CLMP: variants seen among roughly 807,000 people sequenced by gnomAD.
CLMP encodes CXADR like cell adhesion molecule, also known as CXADR-like membrane protein.
In CLMP, 27 loss-of-function variants were observed where a neutral mutation model predicts 45.2. The observed-to-expected ratio is 0.60, with a 90% CI of 0.44 to 0.82. The LOEUF is 0.82. Among genes scored for constraint, CLMP ranks in the 40% least tolerant of loss-of-function variants. The pLI is 0.00. For missense variants in CLMP, 403 were observed against 448.4 expected, an observed-to-expected ratio of 0.90 and a Z score of 0.91; for synonymous variants, 167 against 171.4, an observed-to-expected ratio of 0.97 and a Z score of 0.20.
intron 1 of CLMP, among the ~76,000 whole-genome samples, chr11:123,190,301 A>T (rs148266683): frequency 6.6e-6 from 1 of 152,166 alleles, no homozygotes; most frequent in African/African-American, 2.4e-5. Context: ...GTTTATCATC[A>T]TGTGCTACCA....
At chr11:123,149,790 C>CTTCCTTT (rs1565397092) in intron 1 of CLMP, among the ~76,000 whole-genome samples, 33 of 149,880 alleles carry the variant, frequency 2.2e-4, no homozygotes, top group Middle Eastern at 3.4e-3. Flanking sequence ...TTTCTTTCTT[C>CTTCCTTT]CTTTCTTTCT....
At chr11:123,130,822 G>C (rs1035092124) in intron 1 of CLMP, among the ~76,000 whole-genome samples, 1 of 151,162 alleles carries the variant, frequency 6.6e-6, no homozygotes, top group African/African-American at 2.4e-5. Context: ...TCCCCAAATG[G>C]AATCGTTTTT....
chr11:123,174,727 T>A (rs1239880203), intron 1 of CLMP, among the ~76,000 whole-genome samples: 1 of 152,202 alleles, frequency 6.6e-6, no homozygotes, highest in Non-Finnish European at 1.5e-5. Context: ...TAAGGCCCCA[T>A]GAATTTTCTT....
intron 1 of CLMP, among the ~76,000 whole-genome samples, chr11:123,179,483 T>C (rs529612110): frequency 6.6e-6 from 1 of 152,286 alleles, no homozygotes; most frequent in African/African-American, 2.4e-5. Context: ...AATACTGTAA[T>C]GGCAAACCCT....
intron 1 of CLMP, among the ~76,000 whole-genome samples, chr11:123,109,495 C>T (rs78817148): frequency 1.4e-4 from 21 of 152,172 alleles, no homozygotes; most frequent in Middle Eastern, 3.4e-3. Context: ...TTCCCCACAC[C>T]GAAGATGATT....
intron 5 of CLMP, among the ~76,000 whole-genome samples, chr11:123,079,161 C>T (rs1175193660): frequency 6.6e-6 from 1 of 152,162 alleles, no homozygotes; most frequent in Non-Finnish European, 1.5e-5. Context: ...TATCCTTCTT[C>T]TTTGTATAAG....
rs1166159977 is a variant in CLMP at position 123,150,416 on chromosome 11, TAAGAAAGAAAGAAAGAAAGA to T, written c.28+44477_28+44496del. 4.7e-3 allele frequency among the ~76,000 whole-genome samples: 146 copies of T among 30,930 alleles called. 2 individuals carry two copies. The highest frequency in any genetic ancestry group is 6.6e-3 in the Non-Finnish European group (112 of 16,956). 20.3% of individuals were successfully genotyped at this position (30,930 alleles called of 152,430 possible). A position where few individuals can be genotyped will look rare whatever the true frequency, so the allele number is the denominator to read the frequency against. ...AGATGAACAAAAGAAGGAAGGAAGG[TAAGAAAGAAAGAAAGAAAGA>T]AAGAAAGAAAGAAAGAAAGAAAGAA... On this transcript the variant is annotated intron_variant, in intron 1 of 6. Coordinates refer to ENST00000448775, the MANE Select transcript of CLMP (RefSeq NM_024769.5).
At chr11:123,133,825 TG>T (rs1861026624) in intron 1 of CLMP, among the ~76,000 whole-genome samples, 1 of 152,138 alleles carries the variant, frequency 6.6e-6, no homozygotes, top group African/African-American at 2.4e-5. Context: ...GGGGAGGCCT[TG>T]CTGTCTCCCC....
In CLMP at chr11:123,102,321, G is replaced by C. The variant is rs1401583833; in HGVS notation, c.29-4369C>G. ...TTTTGAGATGGAGTGTCTCTCTGTC[G>C]CCAGGCTGGAGTGCAGTGGCACAAT... On this transcript the variant is annotated intron_variant, in intron 1 of 6. Transcript: ENST00000448775. 3.1e-5 allele frequency among the ~76,000 whole-genome samples: 4 copies of C among 128,254 alleles called. No individual in the cohort carries two copies. In the South Asian group the frequency reaches 9.7e-4, roughly 31 times the overall value. 84.1% of individuals were successfully genotyped at this position (128,254 alleles called of 152,430 possible).
intron 1 of CLMP, among the ~76,000 whole-genome samples, chr11:123,165,823 A>G (rs1472749133): frequency 2.0e-5 from 3 of 152,074 alleles, no homozygotes; most frequent in Non-Finnish European, 4.4e-5. Context: ...GACAAGTGAG[A>G]CCTAGTGCCC....
At chr11:123,105,207 T>C (rs11218985) in intron 1 of CLMP, among the ~76,000 whole-genome samples, 15,481 of 152,268 alleles carry the variant, frequency 0.1, 880 homozygotes, top group East Asian at 0.16. Flanking sequence ...TGAAAGCACA[T>C]AGGAGTCTCC....
At chr11:123,184,865 C>T (rs73017874) in intron 1 of CLMP, among the ~76,000 whole-genome samples, 8,516 of 152,272 alleles carry the variant, frequency 0.056, 306 homozygotes, top group Non-Finnish European at 0.087. Flanking sequence ...AGCCGCTCAC[C>T]GGGCTTGGTA....
chr11:123,195,069 T>G lies in CLMP; in HGVS notation c.-129A>C. 1.3e-6 allele frequency: 1 copy of G among 781,042 alleles called. No homozygotes were observed. The highest frequency in any genetic ancestry group is 1.8e-6 in the Non-Finnish European group (1 of 567,678). 48.4% of individuals were successfully genotyped at this position (781,042 alleles called of 1,614,324 possible). ...GGTGCGCGCGAGGTGGCTGCAGCCA[T>G]GTGCCGGGCGGGAGCCGGCCCCGCG... On this transcript the variant is annotated 5_prime_UTR_variant, in exon 1 of 7. An upstream start codon of the reference 5' UTR is lost. Transcript: ENST00000448775.
intron 1 of CLMP, among the ~76,000 whole-genome samples, chr11:123,174,524 T>C (rs1451118103): frequency 6.6e-6 from 1 of 152,174 alleles, no homozygotes; most frequent in Non-Finnish European, 1.5e-5. Flanking sequence ...CTCCTTGAGT[T>C]GTTTTGTTAA....
At chr11:123,117,318 A>T (rs1393027898) in intron 1 of CLMP, among the ~76,000 whole-genome samples, 1 of 152,136 alleles carries the variant, frequency 6.6e-6, no homozygotes, top group Non-Finnish European at 1.5e-5. Context: ...CCTGAGACTT[A>T]GAAAGGCCTA....
intron 5 of CLMP, among the ~76,000 whole-genome samples, chr11:123,082,618 T>TG (rs1438272551): frequency 4.3e-4 from 39 of 91,558 alleles, no homozygotes; most frequent in East Asian, 1.5e-3. Flanking sequence ...TTTGTGTGTG[T>TG]TTTTTTTTTT....
chr11:123,141,067 G>A (rs575691858), intron 1 of CLMP, among the ~76,000 whole-genome samples: 1 of 151,872 alleles, frequency 6.6e-6, no homozygotes, highest in African/African-American at 2.4e-5. Flanking sequence ...AGCTTCCCAA[G>A]GCCTTCATTA....
At chr11:123,120,742 A>G (rs1336927220) in intron 1 of CLMP, among the ~76,000 whole-genome samples, 1 of 152,140 alleles carries the variant, frequency 6.6e-6, no homozygotes, top group Non-Finnish European at 1.5e-5. Context: ...CTCTCAGGAT[A>G]TTAATCACAG....
At chr11:123,129,196 G>T (rs990618738) in intron 1 of CLMP, among the ~76,000 whole-genome samples, 2 of 151,708 alleles carry the variant, frequency 1.3e-5, no homozygotes, top group African/African-American at 2.4e-5. Context: ...TTGGCGTGGT[G>T]GTGGGTGCCT....
Sources: allele counts gnomAD v4.1 joint callset (sites outside exome capture counted in the v4.1 genomes callset), GRCh38; gene constraint gnomAD v4.1.1; transcripts MANE v1.5; gene names NCBI Gene and HGNC (gene_info 2026-07-23, HGNC 2026-07-21).